The following PPFIA1 variants were observed in gnomAD, a reference collection of about 807,000 sequenced individuals.
The protein encoded by PPFIA1 is liprin-alpha-1.
Under a neutral mutation model 149.9 loss-of-function variants are expected in PPFIA1, and 25 were observed. The ratio of observed to expected loss-of-function variants is 0.17; its 90% CI spans 0.12 to 0.23. The LOEUF (loss-of-function observed/expected upper bound fraction) is 0.23, where lower values mean the gene tolerates loss of function less well. Ranked by LOEUF, PPFIA1 falls within the 10% of genes least tolerant of loss-of-function variation. The pLI, the probability that PPFIA1 is intolerant of heterozygous loss-of-function variation, is 1.00. For missense variants in PPFIA1, 1,362 were observed against 1,506.5 expected (o/e 0.90, Z 1.59); for synonymous variants, 549 against 552.8 (o/e 0.99, Z 0.10).
rs780674706 is a variant in PPFIA1 at position 70,375,097 on chromosome 11, A to AG, written c.3315+4_3315+5insG. On this transcript the variant is annotated splice_donor_region_variant and intron_variant, in intron 24 of 27. Coordinates refer to ENST00000253925, the MANE Select transcript of PPFIA1 (RefSeq NM_003626.5). ...GATCCCGACGCAGAACACACAGGTG[A>AG]CGCCAAACCTGTCTGTGTCTGCACT... 68 of 1,588,426 alleles carry AG rather than the reference A, an allele frequency of 4.3e-5. No homozygotes were observed. Among genetic ancestry groups the AG allele is most frequent in the Non-Finnish European group, 5.6e-5 (65 of 1,167,544 alleles).
At chr11:70,382,965 C>T (rs2057764995) in intron 27 of PPFIA1, 38 bp from the exon 28 acceptor site, 1 of 391,388 alleles carries the variant, frequency 2.6e-6, no homozygotes, top group South Asian at 1.9e-5. Context: ...ATGGCCCGGC[C>T]TGTACTGAGT....
intron 19 of PPFIA1, among the ~76,000 whole-genome samples, chr11:70,360,197 C>A (rs528083702): frequency 1.1e-4 from 16 of 152,370 alleles, no homozygotes; most frequent in Admixed American, 9.1e-4. Context: ...TGCCTCTGGA[C>A]CCAGAAGCAT....
chr11:70,356,226 G>T lies in PPFIA1; in HGVS notation c.2554G>T (p.Ala852Ser), dbSNP rs1025987592. 2.5e-6 allele frequency: 4 copies of T among 1,613,400 alleles called. No homozygotes were observed. The highest frequency in any genetic ancestry group is 3.4e-6 in the Non-Finnish European group (4 of 1,179,944). ...ALGLSKLGGQAEKNRKLQKKH... is the reference protein window; with the variant it reads ...ALGLSKLGGQSEKNRKLQKKH... The stretch of plus-strand genomic sequence containing the variant: ...GGGACTTAGCAAATTGGGGGGACAG[G>T]CTGAAAAAAATCGTAAACTTCAAAA... Residue 852 changes from alanine (A) to serine (S), a missense_variant, in exon 19 of 28, where the codon GCT (alanine) becomes TCT (serine). This residue lies in a region of PPFIA1 where 91 missense variants were observed against 91.2 expected (regional missense o/e 1.00). Coordinates refer to ENST00000253925, the MANE Select transcript of PPFIA1 (RefSeq NM_003626.5).
chr11:70,312,749 G>T (rs2053369527), intron 2 of PPFIA1, among the ~76,000 whole-genome samples: 1 of 152,166 alleles, frequency 6.6e-6, no homozygotes, highest in South Asian at 2.1e-4. Context: ...TGTGCCTTTG[G>T]TTCCATTGCC....
At chr11:70,337,298 T>C in intron 11 of PPFIA1, 67 bp from the exon 12 acceptor site, 1 of 1,084,788 alleles carries the variant, frequency 9.2e-7, no homozygotes, top group Non-Finnish European at 1.3e-6. Flanking sequence ...TTTAAACGAA[T>C]ACAGCCATGC....
At chr11:70,318,122 C>T (rs770313282) in intron 2 of PPFIA1, among the ~76,000 whole-genome samples, 12 of 152,138 alleles carry the variant, frequency 7.9e-5, no homozygotes, top group South Asian at 2.1e-4. Context: ...TCCACTGACC[C>T]GCAGAGGCCC....
At chr11:70,323,428 G>A (rs1271651803) in intron 2 of PPFIA1, among the ~76,000 whole-genome samples, 1 of 152,156 alleles carries the variant, frequency 6.6e-6, no homozygotes, top group Non-Finnish European at 1.5e-5. Flanking sequence ...CCAGAATGGA[G>A]GCTGGACAGA....
intron 9 of PPFIA1, among the ~76,000 whole-genome samples, chr11:70,332,377 T>G (rs1482130461): frequency 6.6e-6 from 1 of 152,182 alleles, no homozygotes; most frequent in Non-Finnish European, 1.5e-5. Context: ...GTCACCAGCT[T>G]AAGCATAGGA....
intron 10 of PPFIA1, among the ~76,000 whole-genome samples, chr11:70,333,791 A>C (rs1377740110): frequency 6.6e-6 from 1 of 152,212 alleles, no homozygotes; most frequent in Non-Finnish European, 1.5e-5. Flanking sequence ...GATCCTAGGC[A>C]GTACTTCAGG....
chr11:70,347,317 A>G (rs1276575628), intron 15 of PPFIA1, among the ~76,000 whole-genome samples: 1 of 152,210 alleles, frequency 6.6e-6, no homozygotes, highest in Non-Finnish European at 1.5e-5. Context: ...ATTTTTGTGT[A>G]AATAAGTAAA....
chr11:70,311,530 C>CCAT (rs904730873), intron 2 of PPFIA1, among the ~76,000 whole-genome samples: 14 of 152,160 alleles, frequency 9.2e-5, no homozygotes, highest in African/African-American at 3.1e-4. Flanking sequence ...ATCAACCAGT[C>CCAT]CATCACAGGC....
chr11:70,297,759 C>T (rs1165979213), intron 2 of PPFIA1, among the ~76,000 whole-genome samples: 3 of 152,130 alleles, frequency 2.0e-5, no homozygotes, highest in South Asian at 4.1e-4. Flanking sequence ...CCCATTTCCC[C>T]GTAATGTCTG....
chr11:70,367,924 C>T (rs1489589120), intron 21 of PPFIA1, among the ~76,000 whole-genome samples: 1 of 152,130 alleles, frequency 6.6e-6, no homozygotes, highest in African/African-American at 2.4e-5. Flanking sequence ...TCGCTTTCAG[C>T]CCAGGAGTTC....
chr11:70,337,267 C>T (rs931411011), intron 11 of PPFIA1, 98 bp from the exon 12 acceptor site: 8 of 838,560 alleles, frequency 9.5e-6, no homozygotes, highest in Middle Eastern at 3.6e-4. Flanking sequence ...ACTCCGTTCC[C>T]TTTGTGTGGT....
chr11:70,347,442 T>G (rs1377545043), intron 15 of PPFIA1, among the ~76,000 whole-genome samples: 1 of 152,238 alleles, frequency 6.6e-6, no homozygotes, highest in African/African-American at 2.4e-5. Context: ...CTCATGCCAG[T>G]AATCCCACCA....
chr11:70,372,225 A>C lies in PPFIA1; in HGVS notation c.2876A>C (p.Tyr959Ser). 2 of 1,613,070 alleles carry C rather than the reference A, an allele frequency of 1.2e-6. No individual in the cohort carries two copies. Among genetic ancestry groups the C allele is most frequent in the South Asian group, 1.1e-5 (1 of 90,822 alleles). Residue 959 changes from tyrosine to serine, a missense_variant, in exon 22 of 28, where the codon TAT becomes TCT. By Grantham distance (144) the Tyr-to-Ser change is moderately radical (BLOSUM62 -2). This residue lies in a region of PPFIA1 where 349 missense variants were observed against 373.3 expected (regional missense o/e 0.93). Coordinates refer to ENST00000253925, the MANE Select transcript of PPFIA1 (RefSeq NM_003626.5). Reference protein sequence around the residue: ...APPTSRTTLAYGDMNHEWIGN... With the variant: ...APPTSRTTLASGDMNHEWIGN... ...ATTTATGAAAAGCAGACACTCGCCT[A>C]TGGGGACATGAACCACGAGTGGATC...
chr11:70,334,858 C>T (rs1055614644), intron 10 of PPFIA1, among the ~76,000 whole-genome samples: 5 of 152,186 alleles, frequency 3.3e-5, no homozygotes, highest in Admixed American at 6.5e-5. Context: ...GGCACTTGGG[C>T]GATGAGGGCA....
In PPFIA1 at chr11:70,280,367, G is replaced by A. The variant is rs571565183; in HGVS notation, c.264+7931G>A. Among the ~76,000 whole-genome samples, 5 of 151,988 alleles carry A rather than the reference G, an allele frequency of 3.3e-5. No homozygotes were observed. In the South Asian group the frequency reaches 8.3e-4, roughly 25 times the overall value. ...GTGAATCACTTGAAGTCAGGAGTTC[G>A]AGACCAGCCTGGCCAACATGGTGAA... On this transcript the variant is annotated intron_variant, in intron 2 of 27. Transcript: ENST00000253925.
At chr11:70,309,399 C>G (rs1022662879) in intron 2 of PPFIA1, among the ~76,000 whole-genome samples, 4 of 152,132 alleles carry the variant, frequency 2.6e-5, no homozygotes, top group Non-Finnish European at 5.9e-5. Flanking sequence ...GAACTTGCGA[C>G]CTCAGGTGAT....
Sources: allele counts gnomAD v4.1 joint callset (sites outside exome capture counted in the v4.1 genomes callset), GRCh38; gene constraint gnomAD v4.1.1; regional missense constraint gnomAD v4.1.1; transcripts MANE v1.5; gene names NCBI Gene and HGNC (gene_info 2026-07-23, HGNC 2026-07-21).